Variants in GDAP2 observed in about 807,000 individuals in gnomAD.
GDAP2 encodes the protein ganglioside induced differentiation associated protein 2.
A neutral mutation model predicts 67.0 loss-of-function variants in GDAP2; 51 were observed. The ratio of observed to expected loss-of-function variants is 0.76; its 90% CI spans 0.61 to 0.96. GDAP2 has a LOEUF of 0.96. GDAP2 is among the 40% of genes least tolerant of loss of function. The pLI is 0.00. For synonymous variants in GDAP2, 203 were observed against 207.3 expected, an observed-to-expected ratio of 0.98 and a Z score of 0.18; for missense variants, 547 against 588.3, an observed-to-expected ratio of 0.93 and a Z score of 0.73.
intron 6 of GDAP2, among the ~76,000 whole-genome samples, chr1:117,905,824 A>G (rs185321383): frequency 1.1e-3 from 164 of 152,262 alleles, no homozygotes; most frequent in African/African-American, 3.8e-3. Context: ...GTAGCTATAT[A>G]TGCCTTGAAT....
chr1:117,907,606 T>G (rs1393399664), intron 5 of GDAP2, among the ~76,000 whole-genome samples: 2 of 152,214 alleles, frequency 1.3e-5, no homozygotes, highest in Admixed American at 6.5e-5. Context: ...TGATGCTTCC[T>G]TTACCTCTTC....
chr1:117,885,650 C>T (rs1188302940), intron 10 of GDAP2, among the ~76,000 whole-genome samples: 1 of 152,094 alleles, frequency 6.6e-6, no homozygotes, highest in Admixed American at 6.6e-5. Context: ...GTTTTTTTTA[C>T]CCAACAACAG....
chr1:117,867,464 A>C lies in GDAP2; in HGVS notation c.*3105T>G, dbSNP rs1270130894. The stretch of plus-strand genomic sequence containing the variant: ...AACACTTTGGGAGGCCGAGGCAGGA[A>C]GATCACTTGAGGTCAGGAGTTTGAG... On this transcript the variant is annotated 3_prime_UTR_variant, in exon 14 of 14. Transcript: ENST00000369443. 1 of 150,020 alleles carries C rather than the reference A, an allele frequency of 6.7e-6. No individual in the cohort carries two copies. The highest frequency in any genetic ancestry group is 1.5e-5 in the Non-Finnish European group (1 of 67,548). 9.3% of individuals were successfully genotyped at this position (150,020 alleles called of 1,614,324 possible).
chr1:117,877,407 T>C, intron 13 of GDAP2: 2 of 983,576 alleles, frequency 2.0e-6, no homozygotes, highest in Non-Finnish European at 2.4e-6. Flanking sequence ...CTTTTTTTTT[T>C]TCAAAAATTA....
chr1:117,887,892 T>C (rs1648923109), intron 8 of GDAP2, 118 bp from the exon 9 acceptor site: 3 of 623,268 alleles, frequency 4.8e-6, no homozygotes, highest in South Asian at 3.9e-5. Context: ...TATTTCATTA[T>C]AATAGGGAAG....
chr1:117,890,137 T>C (rs1199287397), intron 8 of GDAP2, among the ~76,000 whole-genome samples: 1 of 152,068 alleles, frequency 6.6e-6, no homozygotes, highest in Admixed American at 6.6e-5. Flanking sequence ...GAAGTCTAAA[T>C]ACTCTATCAA....
intron 5 of GDAP2, 88 bp downstream of exon 5, chr1:117,911,906 G>A (rs941547452): frequency 1.7e-5 from 12 of 714,914 alleles, no homozygotes; most frequent in East Asian, 1.4e-4. Context: ...CTCCCAAGTC[G>A]CTGGAATTAC....
intron 10 of GDAP2, among the ~76,000 whole-genome samples, chr1:117,884,714 ACATT>A (rs1430577432): frequency 2.0e-5 from 3 of 152,128 alleles, no homozygotes; most frequent in Non-Finnish European, 2.9e-5. Context: ...TGTATTAATC[ACATT>A]ATTATGAAAA....
At chr1:117,920,997 G>T (rs1455269306) in intron 1 of GDAP2, among the ~76,000 whole-genome samples, 1 of 152,204 alleles carries the variant, frequency 6.6e-6, no homozygotes, top group East Asian at 1.9e-4. Flanking sequence ...GTGTGAGACA[G>T]TGATATGGTA....
At chr1:117,916,098 T>C (rs974612338) in intron 3 of GDAP2, among the ~76,000 whole-genome samples, 1 of 152,168 alleles carries the variant, frequency 6.6e-6, no homozygotes, top group East Asian at 1.9e-4. Flanking sequence ...TTAATGGGGA[T>C]ACAGTTATCA....
Position 117,866,836 on chromosome 1 carries a change from CAA to C in GDAP2, c.*3731_*3732del, listed in dbSNP as rs748347908. 25 of 81,496 alleles carry C rather than the reference CAA, an allele frequency of 3.1e-4. No homozygotes were observed. Among genetic ancestry groups the C allele is most frequent in the Admixed American group, 5.2e-4 (4 of 7,700 alleles). The allele number at this position is 81,496 out of a possible 1,614,324, so 5.0% of individuals were successfully genotyped here. ...GCCATTGCACTCCAGCCTGGGTGAC[CAA>C]AAAAAAAAAAAAAGTACAGTAAGGC... is the stretch of plus-strand genomic sequence containing the variant. On this transcript the variant is annotated 3_prime_UTR_variant, in exon 14 of 14. Coordinates refer to ENST00000369443, the MANE Select transcript of GDAP2 (RefSeq NM_017686.4).
chr1:117,890,881 T>C (rs187047441), intron 8 of GDAP2, among the ~76,000 whole-genome samples: 8 of 152,144 alleles, frequency 5.3e-5, no homozygotes, highest in African/African-American at 9.6e-5. Flanking sequence ...ATGTCGTTGA[T>C]TGATTTGGAC....
At chr1:117,875,487 G>A (rs1450668216) in intron 13 of GDAP2, among the ~76,000 whole-genome samples, 1 of 152,260 alleles carries the variant, frequency 6.6e-6, no homozygotes. Context: ...GTCTGCTCCA[G>A]TGGTGGAGCA....
chr1:117,877,834 T>C, intron 13 of GDAP2, 175 bp downstream of exon 13: 1 of 1,262,294 alleles, frequency 7.9e-7, no homozygotes, highest in Non-Finnish European at 1.0e-6. Context: ...TTGGGACAAA[T>C]CCTTTTCCTA....
At chr1:117,898,705 T>A (rs1049798590) in intron 7 of GDAP2, among the ~76,000 whole-genome samples, 34 of 152,288 alleles carry the variant, frequency 2.2e-4, no homozygotes, top group African/African-American at 7.9e-4. Flanking sequence ...TATTTAATGT[T>A]AAGTATGATT....
intron 5 of GDAP2, among the ~76,000 whole-genome samples, chr1:117,908,077 T>A (rs1213314717): frequency 1.3e-5 from 2 of 151,952 alleles, no homozygotes; most frequent in Non-Finnish European, 2.9e-5. Flanking sequence ...TACCTTTGAC[T>A]AGAGTACCAC....
At chr1:117,885,605 C>T (rs1648824382) in intron 10 of GDAP2, among the ~76,000 whole-genome samples, 2 of 151,986 alleles carry the variant, frequency 1.3e-5, no homozygotes, top group Admixed American at 1.3e-4. Context: ...TACAAATGAC[C>T]CTGTGAATAA....
At chr1:117,885,558 T>C (rs1005415318) in intron 10 of GDAP2, among the ~76,000 whole-genome samples, 1 of 152,204 alleles carries the variant, frequency 6.6e-6, no homozygotes, top group African/African-American at 2.4e-5. Flanking sequence ...GAATGTACCA[T>C]AATTATCTGT....
chr1:117,878,183 G>A, intron 12 of GDAP2, 31 bp from the exon 13 acceptor site: 4 of 1,220,712 alleles, frequency 3.3e-6, no homozygotes, highest in Non-Finnish European at 3.5e-6. Context: ...AATAATTTAA[G>A]CTAGTTGCCA....
Sources: allele counts gnomAD v4.1 joint callset (sites outside exome capture counted in the v4.1 genomes callset), GRCh38; gene constraint gnomAD v4.1.1; transcripts MANE v1.5; gene names NCBI Gene and HGNC (gene_info 2026-07-23, HGNC 2026-07-21).